SREBF2: variants seen among roughly 807,000 people sequenced by gnomAD.
The protein encoded by SREBF2 is sterol regulatory element binding transcription factor 2.
Under a neutral mutation model 113.1 loss-of-function variants are expected in SREBF2, and 55 were observed. That is an observed-to-expected ratio of 0.49 (90% CI 0.39 to 0.61). The LOEUF (loss-of-function observed/expected upper bound fraction) is 0.61. Ranked by LOEUF, SREBF2 falls within the 20% of genes least tolerant of loss-of-function variation. The pLI, the probability that SREBF2 is intolerant of heterozygous loss-of-function variation, is 0.00. For synonymous variants in SREBF2, 593 were observed against 605.7 expected (o/e 0.98, Z 0.31); for missense variants, 1,349 against 1,487.4 (o/e 0.91, Z 1.53).
At chr22:41,893,000 G>T (rs1041716967) in intron 11 of SREBF2, 117 bp from the exon 12 acceptor site, 1 of 1,286,472 alleles carries the variant, frequency 7.8e-7, no homozygotes, top group African/African-American at 1.5e-5. Context: ...TCCCTGTGCT[G>T]ATCTTTCCCA....
At chr22:41,886,092 T>C (rs2077296601) in intron 11 of SREBF2, 2 of 152,216 alleles carry the variant, frequency 1.3e-5, no homozygotes, top group Non-Finnish European at 2.9e-5. Flanking sequence ...GGGAGCATAG[T>C]TGGCAAGGAA....
At chr22:41,857,628 A>C (rs2076989728) in intron 1 of SREBF2, among the ~76,000 whole-genome samples, 1 of 152,176 alleles carries the variant, frequency 6.6e-6, no homozygotes, top group Non-Finnish European at 1.5e-5. Flanking sequence ...TTTGCCAGTA[A>C]AAGAGTTCAC....
intron 9 of SREBF2, among the ~76,000 whole-genome samples, chr22:41,880,247 C>A (rs1396603688): frequency 6.6e-6 from 1 of 152,090 alleles, no homozygotes; most frequent in African/African-American, 2.4e-5. Context: ...TGTGTCACCA[C>A]CTTATGTCTA....
intron 11 of SREBF2, among the ~76,000 whole-genome samples, chr22:41,887,446 G>A (rs752066229): frequency 5.3e-5 from 8 of 152,090 alleles, no homozygotes; most frequent in Non-Finnish European, 1.0e-4. Context: ...CACCTCAGAT[G>A]CTTTGCCTCT....
chr22:41,896,711 G>A (rs1261970546), intron 13 of SREBF2, among the ~76,000 whole-genome samples: 1 of 152,230 alleles, frequency 6.6e-6, no homozygotes, highest in Non-Finnish European at 1.5e-5. Context: ...CACCTGAGGA[G>A]AGGGGGAGGG....
At chr22:41,875,080 A>G (rs2077182432) in intron 5 of SREBF2, among the ~76,000 whole-genome samples, 1 of 152,228 alleles carries the variant, frequency 6.6e-6, no homozygotes, top group Admixed American at 6.5e-5. Flanking sequence ...CTTTACACTC[A>G]TTATCTCATT....
rs372911487 is a variant in SREBF2, at chr22:41,884,862, G to A, written c.2059G>A (p.Ala687Thr). Reference protein sequence around the residue: ...HITGKLPAGSACSDVHMALCA... With the variant: ...HITGKLPAGSTCSDVHMALCA... ...CCTAGGGAAGCTTCCTGCAGGATCC[G>A]CCTGTTCCGATGTACACATGGCGTT... The change falls in exon 11 of 19, where the codon GCC becomes ACC. Residue 687 changes from alanine to threonine, a missense_variant. Ala to Thr is a moderately conservative substitution (Grantham distance 58). Around this residue, in one of 2 missense-constraint regions of SREBF2, gnomAD observed 650 missense variants for 644.1 expected, o/e 1.01. Transcript: ENST00000361204. 409 of 1,614,166 alleles carry A rather than the reference G, an allele frequency of 2.5e-4. 5 individuals carry two copies. In the Middle Eastern group the frequency reaches 5.9e-3, roughly 23 times the overall value.
chr22:41,838,997 A>G (rs540763661), intron 1 of SREBF2, among the ~76,000 whole-genome samples: 12 of 152,286 alleles, frequency 7.9e-5, no homozygotes, highest in African/African-American at 2.9e-4. Context: ...GGTGTGTCTG[A>G]TGAGGAAAGG....
chr22:41,862,005 A>C (rs1427320090), intron 1 of SREBF2, among the ~76,000 whole-genome samples: 1 of 151,496 alleles, frequency 6.6e-6, no homozygotes, highest in Non-Finnish European at 1.5e-5. Context: ...TTTGTAAACT[A>C]GGTTTCCCAG....
Position 41,875,553 on chromosome 22 carries a change from G to A in SREBF2, c.1215G>A (p.Lys405=), listed in dbSNP as rs368732005. The A allele has an allele frequency of 3.1e-6, 5 of 1,614,046 alleles. No individual in the cohort carries two copies. The highest frequency in any genetic ancestry group is 3.4e-6 in the Non-Finnish European group (4 of 1,180,036). ...GGGTTTTCTTTGCAGAGCTTCTAAA[G>A]GGCATCGACCTAGGCAGTCTGGTGG... ...KLANQKNKLL[K]GIDLGSLVDN... The change falls in exon 7 of 19, where the codon AAG becomes AAA. Residue 405 remains lysine (K), a synonymous_variant. Coordinates refer to ENST00000361204, the MANE Select transcript of SREBF2 (RefSeq NM_004599.4).
At chr22:41,848,001 C>T (rs184855487) in intron 1 of SREBF2, among the ~76,000 whole-genome samples, 21 of 151,628 alleles carry the variant, frequency 1.4e-4, no homozygotes, top group Admixed American at 5.9e-4. Flanking sequence ...GTGCAAGCTC[C>T]GCCTCCCGGG....
chr22:41,905,038 A>G, intron 18 of SREBF2, 64 bp downstream of exon 18: 1 of 1,418,600 alleles, frequency 7.0e-7, no homozygotes, highest in Non-Finnish European at 9.6e-7. Flanking sequence ...AGAGAGGAGA[A>G]GAGGGGCCAG....
At chr22:41,849,227 G>C (rs1017234077) in intron 1 of SREBF2, among the ~76,000 whole-genome samples, 1 of 151,906 alleles carries the variant, frequency 6.6e-6, no homozygotes, top group Non-Finnish European at 1.5e-5. Context: ...GGGTCTCACT[G>C]TGTTGCCCAG....
At chr22:41,903,531 A>G (rs17379759) in intron 17 of SREBF2, among the ~76,000 whole-genome samples, 21,695 of 152,212 alleles carry the variant, frequency 0.14, 2,096 homozygotes, top group Admixed American at 0.31. Flanking sequence ...GTTGACTTTC[A>G]TTCTTTTTCA....
intron 2 of SREBF2, among the ~76,000 whole-genome samples, chr22:41,867,814 A>C (rs78767703): frequency 3.2e-4 from 37 of 117,198 alleles, no homozygotes; most frequent in Non-Finnish European, 4.9e-4. Flanking sequence ...TCTTAAAAAG[A>C]AAAAAAAAAA....
intron 1 of SREBF2, among the ~76,000 whole-genome samples, chr22:41,861,664 T>G (rs577156839): frequency 1.3e-5 from 2 of 152,310 alleles, no homozygotes; most frequent in South Asian, 4.1e-4. Flanking sequence ...GGCTCACACC[T>G]GTAATCCTAG....
intron 15 of SREBF2, chr22:41,898,988 C>A (rs928281933): frequency 6.7e-6 from 5 of 744,478 alleles, no homozygotes; most frequent in African/African-American, 5.2e-5. Flanking sequence ...CTGCTCTGCA[C>A]AACACGACAG....
intron 1 of SREBF2, among the ~76,000 whole-genome samples, chr22:41,866,503 T>G (rs957224907): frequency 5.3e-5 from 8 of 151,996 alleles, no homozygotes; most frequent in Non-Finnish European, 7.4e-5. Flanking sequence ...TAAGACAAGT[T>G]CGCGCCACTG....
At chr22:41,873,085 TA>T (rs1308509685) in intron 4 of SREBF2, among the ~76,000 whole-genome samples, 1 of 151,996 alleles carries the variant, frequency 6.6e-6, no homozygotes, top group Non-Finnish European at 1.5e-5. Context: ...TAATCCAAGC[TA>T]CTCGGGAGGC....
Sources: allele counts gnomAD v4.1 joint callset (sites outside exome capture counted in the v4.1 genomes callset), GRCh38; gene constraint gnomAD v4.1.1; regional missense constraint gnomAD v4.1.1; transcripts MANE v1.5; gene names NCBI Gene and HGNC (gene_info 2026-07-23, HGNC 2026-07-21).